ZRANB3: variants seen among roughly 807,000 people sequenced by gnomAD.
ZRANB3 encodes the protein DNA annealing helicase and endonuclease ZRANB3.
Under a neutral mutation model 133.8 loss-of-function variants are expected in ZRANB3, and 125 were observed. The ratio of observed to expected loss-of-function variants is 0.93; its 90% CI spans 0.81 to 1.08. The LOEUF (loss-of-function observed/expected upper bound fraction) is 1.08. ZRANB3 is among the 50% of genes least tolerant of loss of function. The probability of loss-of-function intolerance (pLI) is 0.00; values close to 1 mark genes in which losing one functional copy is unlikely to be tolerated. For synonymous variants in ZRANB3, 387 were observed against 432.7 expected (o/e 0.89, Z 1.31); for missense variants, 1,229 against 1,275.5 (o/e 0.96, Z 0.56).
chr2:135,240,146 A>G (rs1695489042), intron 12 of ZRANB3, among the ~76,000 whole-genome samples: 1 of 151,964 alleles, frequency 6.6e-6, no homozygotes, highest in African/African-American at 2.4e-5. Context: ...GTTCTAGACC[A>G]GCCTAGGCAA....
intron 2 of ZRANB3, among the ~76,000 whole-genome samples, chr2:135,449,311 A>C (rs903554095): frequency 5.9e-5 from 9 of 152,258 alleles, no homozygotes; most frequent in African/African-American, 2.2e-4. Context: ...ATAATAAAAC[A>C]AGCAATGGTA....
At chr2:135,374,298 C>T (rs1191539830) in intron 3 of ZRANB3, among the ~76,000 whole-genome samples, 1 of 151,992 alleles carries the variant, frequency 6.6e-6, no homozygotes, top group Non-Finnish European at 1.5e-5. Flanking sequence ...CCCAGCTACT[C>T]AGGAGACTGA....
intron 6 of ZRANB3, among the ~76,000 whole-genome samples, chr2:135,322,357 C>T (rs767250024): frequency 1.3e-5 from 2 of 152,110 alleles, no homozygotes; most frequent in Non-Finnish European, 2.9e-5. Context: ...TCAATTTCTA[C>T]AAAATCTTGG....
chr2:135,344,149 A>G (rs1684817216), intron 6 of ZRANB3, among the ~76,000 whole-genome samples: 1 of 152,238 alleles, frequency 6.6e-6, no homozygotes, highest in Non-Finnish European at 1.5e-5. Context: ...GTCTTATAAT[A>G]ACTCTCCAAG....
intron 3 of ZRANB3, among the ~76,000 whole-genome samples, chr2:135,364,309 A>G (rs965802763): frequency 6.6e-6 from 1 of 152,194 alleles, no homozygotes; most frequent in Non-Finnish European, 1.5e-5. Context: ...AAAACACGAA[A>G]AACACTTCCA....
intron 1 of ZRANB3, among the ~76,000 whole-genome samples, chr2:135,508,462 C>CA (rs1347547874): frequency 6.6e-6 from 1 of 151,740 alleles, no homozygotes; most frequent in African/African-American, 2.4e-5. Context: ...TAAAAATAAA[C>CA]AATGAAATTA....
chr2:135,393,969 T>C (rs1444261012), intron 2 of ZRANB3, among the ~76,000 whole-genome samples: 2 of 152,100 alleles, frequency 1.3e-5, no homozygotes, highest in Non-Finnish European at 2.9e-5. Context: ...GCGATTCTCC[T>C]GCCTCAGCCT....
Position 135,510,535 on chromosome 2 carries a change from T to A in ZRANB3, c.-7-6039A>T, listed in dbSNP as rs183810913. On this transcript the variant is annotated intron_variant, in intron 1 of 20. Transcript: ENST00000264159. ...TAGGGTTTGTATGGCCGCGTGAAGA[T>A]CCATGAAGATTCACTGCCATGGAGC... 9 of 654,134 alleles carry A rather than the reference T, an allele frequency of 1.4e-5. No individual in the cohort carries two copies. In the East Asian group the frequency reaches 2.5e-4, roughly 18 times the overall value. The allele number at this position is 654,134 out of a possible 1,614,324, so 40.5% of individuals were successfully genotyped here.
chr2:135,255,998 C>T (rs1397967826), intron 12 of ZRANB3, among the ~76,000 whole-genome samples: 3 of 151,032 alleles, frequency 2.0e-5, no homozygotes, highest in Middle Eastern at 6.8e-3. Context: ...ACTACAGACT[C>T]GACCGCCCTG....
chr2:135,231,988 C>T (rs552517933), intron 12 of ZRANB3, among the ~76,000 whole-genome samples: 39 of 152,188 alleles, frequency 2.6e-4, no homozygotes, highest in African/African-American at 8.9e-4. Context: ...TGAAGCAGGG[C>T]GAGGCATCGA....
chr2:135,406,899 CA>C (rs1688060899), intron 2 of ZRANB3, among the ~76,000 whole-genome samples: 1 of 152,062 alleles, frequency 6.6e-6, no homozygotes, highest in African/African-American at 2.4e-5. Context: ...GCATTCCCTT[CA>C]AAACATGGCA....
At chr2:135,385,930 G>A (rs1446478020) in intron 3 of ZRANB3, among the ~76,000 whole-genome samples, 1 of 152,124 alleles carries the variant, frequency 6.6e-6, no homozygotes, top group Non-Finnish European at 1.5e-5. Context: ...ACAGAGGCAT[G>A]GGCAAGGACT....
At chr2:135,348,534 C>T (rs868133028) in intron 5 of ZRANB3, among the ~76,000 whole-genome samples, 74 of 152,066 alleles carry the variant, frequency 4.9e-4, no homozygotes, top group African/African-American at 1.7e-3. Context: ...TTCTTATGCT[C>T]GATTATAAGT....
intron 2 of ZRANB3, among the ~76,000 whole-genome samples, chr2:135,403,241 G>A (rs1171623748): frequency 6.6e-6 from 1 of 152,158 alleles, no homozygotes. Flanking sequence ...TGGAACATCA[G>A]GTCCCTCCCA....
At chr2:135,436,368 A>G (rs1574101089) in intron 2 of ZRANB3, among the ~76,000 whole-genome samples, 2 of 152,270 alleles carry the variant, frequency 1.3e-5, no homozygotes, top group Admixed American at 1.3e-4. Context: ...TGGTTCGTGT[A>G]GCCTTGCACA....
At chr2:135,525,225 T>G (rs1226917493) in intron 1 of ZRANB3, among the ~76,000 whole-genome samples, 1 of 151,798 alleles carries the variant, frequency 6.6e-6, no homozygotes, top group Non-Finnish European at 1.5e-5. Flanking sequence ...CAAAGGATAA[T>G]AAACATAAAA....
At chr2:135,309,308 G>C (rs1682859347) in intron 8 of ZRANB3, among the ~76,000 whole-genome samples, 1 of 152,106 alleles carries the variant, frequency 6.6e-6, no homozygotes, top group African/African-American at 2.4e-5. Context: ...AATGGTGAAA[G>C]ACTAAATGCC....
intron 12 of ZRANB3, among the ~76,000 whole-genome samples, chr2:135,244,890 C>A (rs947987436): frequency 6.6e-6 from 1 of 152,138 alleles, no homozygotes; most frequent in East Asian, 1.9e-4. Flanking sequence ...TTACTTCTGC[C>A]ATTATGGTAG....
Position 135,313,566 on chromosome 2 carries a change from TCATTATTTTTTC to T in ZRANB3, c.877_888del (p.Glu293_Met296del). 3.7e-6 allele frequency: 6 copies of T among 1,613,868 alleles called. No individual in the cohort carries two copies. Among genetic ancestry groups the T allele is most frequent in the Non-Finnish European group, 5.1e-6 (6 of 1,179,826 alleles). On this transcript the variant is annotated inframe_deletion, in exon 8 of 21. Transcript: ENST00000264159. ...TCCATGGCACCTGAATTTGGAGTTC[TCATTATTTTTTC>T]CCACTCTTCAAAGCTGGTATTCAAT...
Sources: gnomAD v4.1 joint callset for allele counts (sites outside exome capture counted in the v4.1 genomes callset) on GRCh38, gnomAD v4.1.1 for gene constraint, MANE v1.5 for transcripts, NCBI Gene and HGNC (gene_info 2026-07-23, HGNC 2026-07-21) for gene names.